CDH13: variants seen among roughly 807,000 people sequenced by gnomAD.
CDH13 encodes the protein cadherin 13.
A neutral mutation model predicts 63.8 loss-of-function variants in CDH13; 24 were observed. The observed-to-expected ratio is 0.38, with a 90% CI of 0.27 to 0.53. The LOEUF (loss-of-function observed/expected upper bound fraction) is 0.53. Among genes scored for constraint, CDH13 ranks in the 20% least tolerant of loss-of-function variants. The pLI is 0.85. For missense variants in CDH13, 1,049 were observed against 903.1 expected, an observed-to-expected ratio of 1.16 and a Z score of -2.07; for synonymous variants, 503 against 355.3, an observed-to-expected ratio of 1.42 and a Z score of -4.67.
chr16:83,110,079 T>A (rs990177119), intron 3 of CDH13, among the ~76,000 whole-genome samples: 1 of 152,206 alleles, frequency 6.6e-6, no homozygotes, highest in African/African-American at 2.4e-5. Context: ...GTAGAATATG[T>A]GGGGTTATTT....
chr16:82,711,320 C>T (rs888354921), intron 1 of CDH13, among the ~76,000 whole-genome samples: 1 of 152,122 alleles, frequency 6.6e-6, no homozygotes, highest in Admixed American at 6.5e-5. Context: ...CTCCAGTGAT[C>T]CTGCAGGACC....
At chr16:83,071,362 G>A (rs2032425684) in intron 3 of CDH13, among the ~76,000 whole-genome samples, 1 of 152,178 alleles carries the variant, frequency 6.6e-6, no homozygotes. Context: ...AATCAAGGAG[G>A]TTAAATAGTC....
At chr16:83,043,982 A>G (rs909340138) in intron 3 of CDH13, among the ~76,000 whole-genome samples, 1 of 152,230 alleles carries the variant, frequency 6.6e-6, no homozygotes, top group African/African-American at 2.4e-5. Flanking sequence ...AATAAGCACA[A>G]GCAGTGAATA....
intron 10 of CDH13, among the ~76,000 whole-genome samples, chr16:83,740,924 T>C (rs1210730310): frequency 6.6e-6 from 1 of 152,214 alleles, no homozygotes; most frequent in Non-Finnish European, 1.5e-5. Flanking sequence ...CCAGTGAGTC[T>C]GTAACTTCGG....
At chr16:83,335,078 C>G (rs1407850772) in intron 5 of CDH13, among the ~76,000 whole-genome samples, 1 of 152,156 alleles carries the variant, frequency 6.6e-6, no homozygotes, top group Non-Finnish European at 1.5e-5. Context: ...AAAAAATCTT[C>G]CAATCACACT....
intron 2 of CDH13, among the ~76,000 whole-genome samples, chr16:82,961,572 T>TAAAAAAAAAAAAAAAAAAAAAAAAAAA (rs71376305): frequency 9.7e-6 from 1 of 103,406 alleles, no homozygotes; most frequent in Non-Finnish European, 1.9e-5. Flanking sequence ...GCAGGGGACT[T>TAAAAAAAAAAAAAAAAAAAAAAAAAAA]AAAAAAAAAA....
At chr16:83,492,286 T>C (rs2074031549) in intron 7 of CDH13, among the ~76,000 whole-genome samples, 2 of 152,208 alleles carry the variant, frequency 1.3e-5, no homozygotes, top group African/African-American at 4.8e-5. Context: ...AATAAATGTT[T>C]TTAGGCCTTT....
intron 5 of CDH13, among the ~76,000 whole-genome samples, chr16:83,326,169 C>G (rs1005975444): frequency 2.0e-5 from 3 of 152,152 alleles, no homozygotes; most frequent in Non-Finnish European, 4.4e-5. Context: ...CTTTCCAGAA[C>G]ATGAGATTTT....
At chr16:83,611,229 T>G (rs1181372958) in intron 8 of CDH13, among the ~76,000 whole-genome samples, 2 of 152,138 alleles carry the variant, frequency 1.3e-5, no homozygotes, top group African/African-American at 4.8e-5. Flanking sequence ...TTTTTTACAC[T>G]CTGGCTTTCC....
intron 1 of CDH13, among the ~76,000 whole-genome samples, chr16:82,750,775 A>T (rs1412689051): frequency 1.4e-5 from 2 of 147,746 alleles, no homozygotes; most frequent in Admixed American, 6.8e-5. Flanking sequence ...AGATTGGCTT[A>T]AGCTGATTTT....
intron 2 of CDH13, among the ~76,000 whole-genome samples, chr16:82,956,019 C>A (rs1275344761): frequency 1.3e-5 from 2 of 152,174 alleles, no homozygotes; most frequent in Admixed American, 1.3e-4. Flanking sequence ...CTTGGATGTC[C>A]CATAGTTCAT....
At chr16:83,535,841 AAGGG>A (rs768114500) in intron 7 of CDH13, among the ~76,000 whole-genome samples, 77 of 141,044 alleles carry the variant, frequency 5.5e-4, no homozygotes, top group Middle Eastern at 3.5e-3. Flanking sequence ...GAAAGGAAGG[AAGGG>A]AGGGAGGGAG....
chr16:82,920,292 C>T (rs1256505897), intron 2 of CDH13, among the ~76,000 whole-genome samples: 1 of 152,212 alleles, frequency 6.6e-6, no homozygotes, highest in Admixed American at 6.5e-5. Flanking sequence ...AAGTTCTCCC[C>T]TCATAATGCA....
intron 13 of CDH13, among the ~76,000 whole-genome samples, chr16:83,784,140 C>G (rs1915720459): frequency 6.6e-6 from 1 of 152,152 alleles, no homozygotes; most frequent in South Asian, 2.1e-4. Context: ...CATCCAAAAG[C>G]CTTTTGGGCC....
chr16:83,707,093 G>A (rs1487040839), intron 10 of CDH13, among the ~76,000 whole-genome samples: 1 of 152,144 alleles, frequency 6.6e-6, no homozygotes, highest in Non-Finnish European at 1.5e-5. Flanking sequence ...GACTAAGAAG[G>A]ATACAAGATG....
At chr16:83,524,035 G>A (rs1399849114) in intron 7 of CDH13, among the ~76,000 whole-genome samples, 1 of 152,170 alleles carries the variant, frequency 6.6e-6, no homozygotes, top group African/African-American at 2.4e-5. Context: ...TTACCCTGCA[G>A]TCCACCCACA....
intron 4 of CDH13, among the ~76,000 whole-genome samples, chr16:83,140,502 G>A (rs1348258817): frequency 6.6e-6 from 1 of 152,082 alleles, no homozygotes; most frequent in East Asian, 1.9e-4. Flanking sequence ...TGCCCAGGCT[G>A]GAGTGCAGTG....
intron 4 of CDH13, among the ~76,000 whole-genome samples, chr16:83,193,764 C>T (rs1436911714): frequency 6.6e-6 from 1 of 152,164 alleles, no homozygotes; most frequent in Non-Finnish European, 1.5e-5. Flanking sequence ...TTCACCTTGG[C>T]ATAGACAAGC....
chr16:82,797,489 A>C (rs748571977), intron 1 of CDH13, among the ~76,000 whole-genome samples: 1 of 152,162 alleles, frequency 6.6e-6, no homozygotes, highest in Non-Finnish European at 1.5e-5. Flanking sequence ...GCTTCTCATC[A>C]CATCACTTTT....
Sources: allele counts gnomAD v4.1 joint callset (sites outside exome capture counted in the v4.1 genomes callset), GRCh38; gene constraint gnomAD v4.1.1; transcripts MANE v1.5; gene names NCBI Gene and HGNC (gene_info 2026-07-23, HGNC 2026-07-21).